TRPM2: variants seen among roughly 807,000 people sequenced by gnomAD.
TRPM2 encodes estrogen-responsive element-associated gene 1 protein.
Under a neutral mutation model 174.0 loss-of-function variants are expected in TRPM2, and 161 were observed. The ratio of observed to expected loss-of-function variants is 0.93; its 90% CI spans 0.81 to 1.05. The LOEUF (loss-of-function observed/expected upper bound fraction) is 1.05, where lower values mean the gene tolerates loss of function less well. TRPM2 is among the 50% of genes least tolerant of loss of function. The pLI is 0.00. For synonymous variants in TRPM2, 954 were observed against 861.3 expected, an observed-to-expected ratio of 1.11 and a Z score of -1.88; for missense variants, 2,057 against 2,038.0, an observed-to-expected ratio of 1.01 and a Z score of -0.18.
Position 44,391,391 on chromosome 21 carries a change from C to G in TRPM2, c.1560C>G (p.Leu520=), listed in dbSNP as rs267606157. 6.2e-7 allele frequency: 1 copy of G among 1,614,178 alleles called. No individual in the cohort carries two copies. The highest frequency in any genetic ancestry group is 2.2e-5 in the East Asian group (1 of 44,888). Residue 520 remains leucine (L), a synonymous_variant, in exon 11 of 32, where the codon CTC becomes CTG. Transcript: ENST00000397928. The surrounding 1 kb of genome is among the most constrained non-coding windows in gnomAD (Gnocchi z 5.0). ...AGTTTGTCACCTGGGACACCTTGCT[C>G]TACCTGTACGAGAACCTGGACCCCT... ...LKEFVTWDTL[L]YLYENLDPSC...
Position 44,423,626 on chromosome 21 carries a change from C to T in TRPM2, c.3462-19C>T. ...CCCAAGGTGTGGTGTGCGTCCAGCT[C>T]AGCTGCTTCCTCTTTCAGGGTTGAC... On this transcript the variant is annotated intron_variant, in intron 22 of 31. Coordinates refer to ENST00000397928, the MANE Select transcript of TRPM2 (RefSeq NM_003307.4). 6.2e-7 allele frequency: 1 copy of T among 1,607,168 alleles called. No individual in the cohort carries two copies. Among genetic ancestry groups the T allele is most frequent in the African/African-American group, 1.3e-5 (1 of 75,014 alleles).
intron 5 of TRPM2, among the ~76,000 whole-genome samples, chr21:44,370,960 G>C (rs970031263): frequency 3.3e-5 from 5 of 152,242 alleles, no homozygotes; most frequent in African/African-American, 4.8e-5. Flanking sequence ...GAGGGTGTGT[G>C]TCCCAGCCCG....
At chr21:44,364,427 C>T (rs535603868) in intron 3 of TRPM2, 145 bp downstream of exon 3, 41 of 975,664 alleles carry the variant, frequency 4.2e-5, no homozygotes, top group Admixed American at 1.5e-4. Flanking sequence ...GCAAGGGAAG[C>T]GGCGGGGAGG....
intron 17 of TRPM2, 47 bp from the exon 18 acceptor site, chr21:44,405,858 G>A (rs1295800396): frequency 1.3e-6 from 2 of 1,585,838 alleles, no homozygotes; most frequent in Non-Finnish European, 1.7e-6. Flanking sequence ...TCTGGGGGCT[G>A]CTGTGAGCAG....
At position 44,423,671 on chromosome 21, in the gene TRPM2, A is replaced by G. The variant is rs2050633181; in HGVS notation, c.3488A>G (p.Asp1163Gly). ...NKVDAMVDLL[D>G]LDPLKRSGSM... The stretch of plus-strand genomic sequence containing the variant: ...GTTGACGCCATGGTGGACCTGCTGG[A>G]CCTGGACCCACTGAAGAGGTCGGGC... Residue 1163 changes from aspartate to glycine, a missense_variant, in exon 23 of 32, where the codon GAC becomes GGC. Asp to Gly is a moderately conservative substitution (Grantham distance 94). Coordinates refer to ENST00000397928, the MANE Select transcript of TRPM2 (RefSeq NM_003307.4). 1 of 1,612,930 alleles carries G rather than the reference A, an allele frequency of 6.2e-7. No homozygotes were observed. Among genetic ancestry groups the G allele is most frequent in the Non-Finnish European group, 8.5e-7 (1 of 1,179,814 alleles).
At chr21:44,406,224 G>A (rs2049869321) in intron 18 of TRPM2, among the ~76,000 whole-genome samples, 187 bp downstream of exon 18, 1 of 152,084 alleles carries the variant, frequency 6.6e-6, no homozygotes, top group Non-Finnish European at 1.5e-5. Flanking sequence ...ACCTCTTCCA[G>A]GAAGCCTTCC....
intron 7 of TRPM2, 151 bp from the exon 8 acceptor site, chr21:44,378,846 G>T (rs2146202704): frequency 2.5e-6 from 2 of 806,186 alleles, no homozygotes; most frequent in East Asian, 2.7e-5. Flanking sequence ...CCAGAGCAGG[G>T]GACGCCACGA....
intron 27 of TRPM2, among the ~76,000 whole-genome samples, chr21:44,430,964 CT>C (rs71197900): frequency 0.029 from 4,181 of 145,366 alleles, 88 homozygotes; most frequent in Middle Eastern, 0.054. Flanking sequence ...TATTTCTCTT[CT>C]TTTTTTTTTT....
rs765887109 is a variant in TRPM2, at chr21:44,406,715, T to C, written c.2912T>C (p.Val971Ala). The C allele has an allele frequency of 6.2e-7, 1 of 1,608,476 alleles. No individual in the cohort carries two copies. The highest frequency in any genetic ancestry group is 1.1e-5 in the South Asian group (1 of 90,694). Residue 971 changes from valine (V) to alanine (A), a missense_variant, in exon 19 of 32, where the codon GTC becomes GCC. By Grantham distance (64) the Val-to-Ala change is moderately conservative. Transcript: ENST00000397928. ...RRVDWLFRGAVYHSYLTIFGQ... is the reference protein window; with the variant it reads ...RRVDWLFRGAAYHSYLTIFGQ... ...GTGGACTGGCTGTTCCGAGGGGCCG[T>C]CTACCACTCCTACCTCACCATCTTC...
intron 29 of TRPM2, among the ~76,000 whole-genome samples, chr21:44,437,943 G>A (rs2051342491): frequency 1.3e-5 from 2 of 152,262 alleles, no homozygotes; most frequent in Non-Finnish European, 2.9e-5. Context: ...CTCTGCACCT[G>A]ATCCGGGGAG....
In TRPM2 at chr21:44,427,036, A is replaced by G. The variant is rs769907705; in HGVS notation, c.3899A>G (p.Gln1300Arg). 6.2e-6 allele frequency: 10 copies of G among 1,606,210 alleles called. No individual in the cohort carries two copies. The highest frequency in any genetic ancestry group is 3.3e-5 in the South Asian group (3 of 89,566). The change falls in exon 27 of 32, where the codon CAG (glutamine) becomes CGG (arginine). Residue 1300 changes from glutamine (Q) to arginine (R), a missense_variant. By Grantham distance (43) the Gln-to-Arg change is conservative (BLOSUM62 1). Coordinates refer to ENST00000397928, the MANE Select transcript of TRPM2 (RefSeq NM_003307.4). Reference sequence around the variant, plus strand: ...ACCCTGGAGCCACTGTCCACGATCCAGTACAACGTGGTGGATGGCCTGAGG... The same window carrying G: ...ACCCTGGAGCCACTGTCCACGATCCGGTACAACGTGGTGGATGGCCTGAGG... ...GDTLEPLSTI[Q>R]YNVVDGLRDR...
At chr21:44,407,465 T>G (rs1381798235) in intron 19 of TRPM2, among the ~76,000 whole-genome samples, 2 of 147,846 alleles carry the variant, frequency 1.4e-5, no homozygotes, top group African/African-American at 2.5e-5. Flanking sequence ...TTTTTTTTTT[T>G]TTTTTTTTTT....
chr21:44,407,190 A>G (rs538976755), intron 19 of TRPM2, among the ~76,000 whole-genome samples: 6 of 6,932 alleles, frequency 8.7e-4, no homozygotes, highest in Admixed American at 1.9e-3. Flanking sequence ...TCTGTCACCC[A>G]GGCTGGAGTG....
Position 44,418,443 on chromosome 21 carries a change from G to T in TRPM2, c.3349G>T (p.Glu1117Ter). 1 of 1,614,088 alleles carries T rather than the reference G, an allele frequency of 6.2e-7. No homozygotes were observed. The highest frequency in any genetic ancestry group is 8.5e-7 in the Non-Finnish European group (1 of 1,180,000). The change falls in exon 22 of 32, where the codon GAG (glutamate) becomes TAG (stop). Residue 1117 changes from glutamate to a stop codon, truncating the protein, a stop_gained. Coordinates refer to ENST00000397928, the MANE Select transcript of TRPM2 (RefSeq NM_003307.4). LOFTEE classifies it high-confidence loss of function. Reference protein sequence around the residue: ...KQLKNKLEKNEEAALLSWEIY... With the variant: ...KQLKNKLEKN ...GACAGAGAACAAGCTGGAGAAGAAC[G>T]AGGAGGCGGCCCTGCTATCCTGGGA...
At chr21:44,415,457 A>C (rs1020897536) in intron 20 of TRPM2, 1 of 152,248 alleles carries the variant, frequency 6.6e-6, no homozygotes, top group African/African-American at 2.4e-5. Flanking sequence ...GCCTCAGCCC[A>C]GGAATGCAGG....
intron 4 of TRPM2, 61 bp from the exon 5 acceptor site, chr21:44,369,116 C>T: frequency 7.4e-7 from 1 of 1,345,400 alleles, no homozygotes; most frequent in South Asian, 1.4e-5. Context: ...AGGCGTCAGG[C>T]TCCTGGGTGT....
At chr21:44,427,261 C>T in intron 27 of TRPM2, 150 bp downstream of exon 27, 1 of 715,810 alleles carries the variant, frequency 1.4e-6, no homozygotes, top group Admixed American at 2.9e-5. Context: ...CATCAACTCA[C>T]TGCATCTCCG....
upstream of TRPM2, among the ~76,000 whole-genome samples, chr21:44,350,663 GGGTGC>G (rs2047914959): frequency 6.8e-6 from 1 of 146,600 alleles, no homozygotes; most frequent in African/African-American, 2.5e-5. Flanking sequence ...CACTGGTGCA[GGGTGC>G]GGTGGGGTGC....
intron 3 of TRPM2, among the ~76,000 whole-genome samples, chr21:44,364,815 G>A (rs984776428): frequency 3.9e-5 from 6 of 152,210 alleles, no homozygotes; most frequent in South Asian, 4.1e-4. Flanking sequence ...CTGCAGGAGA[G>A]CGCTGTGAGG....
Sources: allele counts gnomAD v4.1 joint callset (sites outside exome capture counted in the v4.1 genomes callset), GRCh38; gene constraint gnomAD v4.1.1; non-coding constraint Gnocchi (gnomAD v3.1); transcripts MANE v1.5; gene names NCBI Gene and HGNC (gene_info 2026-07-23, HGNC 2026-07-21).